LYZL6: variants seen among roughly 807,000 people sequenced by gnomAD.
The protein encoded by LYZL6 is lysozyme-like protein 6.
Under a neutral mutation model 15.0 loss-of-function variants are expected in LYZL6, and 21 were observed. The ratio of observed to expected loss-of-function variants is 1.40; its 90% CI spans 1.00 to 2.02. The LOEUF (loss-of-function observed/expected upper bound fraction) is 2.02, where lower values mean the gene tolerates loss of function less well. LYZL6 is among the 30% of genes most tolerant of loss of function. LYZL6 has a pLI of 0.00. For missense variants in LYZL6, 173 were observed against 180.5 expected, an observed-to-expected ratio of 0.96 and a Z score of 0.24; for synonymous variants, 72 against 67.8, an observed-to-expected ratio of 1.06 and a Z score of -0.31.
chr17:35,937,834 G>C lies in LYZL6; in HGVS notation c.222C>G (p.Leu74=). 6.2e-7 allele frequency: 1 copy of C among 1,614,160 alleles called. No homozygotes were observed. Among genetic ancestry groups the C allele is most frequent in the South Asian group, 1.1e-5 (1 of 91,084 alleles). ...ENADGSFDYG[L]FQINSHYWCN... ...ACCAGTAGTGGCTGTTGATCTGGAA[G>C]AGGCCATAGTCAAAGCTTCCGTCTG... The change falls in exon 3 of 5, where the codon CTC becomes CTG. Residue 74 remains leucine, a synonymous_variant. Transcript: ENST00000615905.
intron 2 of LYZL6, 36 bp downstream of exon 2, chr17:35,939,182 A>G (rs748193030): frequency 4.4e-6 from 7 of 1,602,666 alleles, no homozygotes; most frequent in South Asian, 1.1e-5. Flanking sequence ...TGACTAGCAG[A>G]GGAGAAATGG....
At chr17:35,942,727 A>G (rs2089433041) in intron 1 of LYZL6, among the ~76,000 whole-genome samples, 1 of 152,138 alleles carries the variant, frequency 6.6e-6, no homozygotes, top group Non-Finnish European at 1.5e-5. Flanking sequence ...CTCCTGGGTA[A>G]TCACCAAACT....
intron 2 of LYZL6, among the ~76,000 whole-genome samples, chr17:35,938,941 T>C (rs920783451): frequency 2.0e-5 from 3 of 152,230 alleles, no homozygotes; most frequent in Non-Finnish European, 4.4e-5. Context: ...CAGTACGTTA[T>C]GAGTGTGTTT....
intron 4 of LYZL6, 142 bp from the exon 5 acceptor site, chr17:35,935,007 T>A: frequency 1.5e-6 from 1 of 676,760 alleles, no homozygotes; most frequent in East Asian, 2.8e-5. Context: ...TGTCCTCCAC[T>A]GTCCCCTCTG....
chr17:35,940,865 GAAT>G (rs2089420112), intron 1 of LYZL6, among the ~76,000 whole-genome samples: 1 of 152,200 alleles, frequency 6.6e-6, no homozygotes, highest in African/African-American at 2.4e-5. Flanking sequence ...TTCTATGGTT[GAAT>G]AATATTTCAT....
chr17:35,940,392 C>CA lies in LYZL6; in HGVS notation c.-202-835dup, dbSNP rs1372710909. 6.6e-5 allele frequency among the ~76,000 whole-genome samples: 10 copies of CA among 152,134 alleles called. No individual in the cohort carries two copies. The South Asian group carries it at 1.0e-3, about 16-fold the overall frequency. On this transcript the variant is annotated intron_variant, in intron 1 of 4. Transcript: ENST00000615905. ...GAGATGTCTGGATTATCTTGCTGTACAAGAAATTTAAAAAGTGCTCGAAAT... is the reference window on the plus strand; with the variant it reads ...GAGATGTCTGGATTATCTTGCTGTACAAAGAAATTTAAAAAGTGCTCGAAAT...
rs777555560 is a variant in LYZL6, at chr17:35,937,771, G to A, written c.285C>T (p.His95=). 24 of 1,614,114 alleles carry A rather than the reference G, an allele frequency of 1.5e-5. No homozygotes were observed. The highest frequency in any genetic ancestry group is 2.7e-5 in the African/African-American group (2 of 75,052). The part of the protein sequence containing the change: ...DYKSYSENLC[H]VDCQDLLNPN... ...CCCTGGCCAGACCTTGACAGTCTAC[G>A]TGGCAAAGGTTTTCCGAGTAACTCT... The change falls in exon 3 of 5, where the codon CAC becomes CAT. Residue 95 remains histidine, a synonymous_variant. Transcript: ENST00000615905.
rs529361389 is a variant in LYZL6 at position 35,934,691 on chromosome 17, G to A, written c.*105C>T. On this transcript the variant is annotated 3_prime_UTR_variant, in exon 5 of 5. Coordinates refer to ENST00000615905, the MANE Select transcript of LYZL6 (RefSeq NM_020426.4). Reference sequence around the variant, plus strand: ...GGTCAGTTTTAGTTGTAAATGGGAAGGGAAGAAAATAACATGAAGTGGAGG... The same window carrying A: ...GGTCAGTTTTAGTTGTAAATGGGAAAGGAAGAAAATAACATGAAGTGGAGG... 9.0e-7 allele frequency: 1 copy of A among 1,106,720 alleles called. No homozygotes were observed. The highest frequency in any genetic ancestry group is 1.6e-5 in the African/African-American group (1 of 64,372). 68.6% of individuals were successfully genotyped at this position (1,106,720 alleles called of 1,614,324 possible).
rs2089357728 is a variant in LYZL6 at position 35,934,924 on chromosome 17, A to G, written c.378-59T>C. On this transcript the variant is annotated intron_variant, in intron 4 of 4. Transcript: ENST00000615905. ...ACTCAGTAACTCTTCCACACACATG[A>G]CCCAGTTCTTGGTGAGTCTCGCATA... is the stretch of plus-strand genomic sequence containing the variant. 4.5e-6 allele frequency: 7 copies of G among 1,547,384 alleles called. No individual in the cohort carries two copies. In the South Asian group the frequency reaches 5.6e-5, roughly 12 times the overall value.
chr17:35,939,173 G>T, intron 2 of LYZL6, 45 bp downstream of exon 2: 2 of 1,598,412 alleles, frequency 1.3e-6, no homozygotes, highest in South Asian at 2.2e-5. Context: ...TATAGGACAT[G>T]ACTAGCAGAG....
chr17:35,934,744 T>G lies in LYZL6; in HGVS notation c.*52A>C. On this transcript the variant is annotated 3_prime_UTR_variant, in exon 5 of 5. Transcript: ENST00000615905. ...GTAGGAAGAAGAAATGAAGAATCCCTGAGTGAGGACAGGAGTCTTGGAATG... is the reference window on the plus strand; with the variant it reads ...GTAGGAAGAAGAAATGAAGAATCCCGGAGTGAGGACAGGAGTCTTGGAATG... The G allele has an allele frequency of 6.6e-7, 1 of 1,519,432 alleles. No individual in the cohort carries two copies. The highest frequency in any genetic ancestry group is 2.3e-5 in the East Asian group (1 of 44,306). The allele number at this position is 1,519,432 out of a possible 1,614,324, so 94.1% of individuals were successfully genotyped here.
At chr17:35,942,086 T>C (rs1429856364) in intron 1 of LYZL6, among the ~76,000 whole-genome samples, 2 of 152,200 alleles carry the variant, frequency 1.3e-5, no homozygotes, top group East Asian at 3.9e-4. Context: ...CTATGTCTAA[T>C]CCTGAGGAAA....
Position 35,937,739 on chromosome 17 carries a change from C to G in LYZL6, c.298+19G>C, listed in dbSNP as rs746311680. ...TGGTTGCTGCTCTCATCTCTCCCACCCTGGGGCCCTGGCCAGACCTTGACA... is the reference window on the plus strand; with the variant it reads ...TGGTTGCTGCTCTCATCTCTCCCACGCTGGGGCCCTGGCCAGACCTTGACA... On this transcript the variant is annotated intron_variant, in intron 3 of 4. Coordinates refer to ENST00000615905, the MANE Select transcript of LYZL6 (RefSeq NM_020426.4). 6.2e-7 allele frequency: 1 copy of G among 1,610,938 alleles called. No individual in the cohort carries two copies. The highest frequency in any genetic ancestry group is 8.5e-7 in the Non-Finnish European group (1 of 1,177,830).
At chr17:35,935,719 G>T (rs1456709709) in intron 4 of LYZL6, among the ~76,000 whole-genome samples, 1 of 152,046 alleles carries the variant, frequency 6.6e-6, no homozygotes, top group African/African-American at 2.4e-5. Flanking sequence ...TCACCATATT[G>T]GCCAGGCTGG....
rs1365662185 is a variant in LYZL6, at chr17:35,934,602, C to T, written c.*194G>A. 7.2e-6 allele frequency: 4 copies of T among 552,884 alleles called. No homozygotes were observed. The highest frequency in any genetic ancestry group is 5.2e-5 in the South Asian group (2 of 38,568). The allele number at this position is 552,884 out of a possible 1,614,324, so 34.2% of individuals were successfully genotyped here. On this transcript the variant is annotated 3_prime_UTR_variant, in exon 5 of 5. Transcript: ENST00000615905. The stretch of plus-strand genomic sequence containing the variant: ...CAGTTTACAAATAACAGACAGGAAC[C>T]AGGGGACTGGGTCCAGATGGGAGTA...
chr17:35,943,200 G>A (rs188955705), intron 1 of LYZL6, among the ~76,000 whole-genome samples: 8 of 152,154 alleles, frequency 5.3e-5, no homozygotes, highest in Admixed American at 1.3e-4. Flanking sequence ...CTGCGACCTC[G>A]ATCTCCTTAA....
intron 4 of LYZL6, 57 bp downstream of exon 4, chr17:35,936,698 C>T: frequency 4.7e-6 from 7 of 1,503,044 alleles, no homozygotes; most frequent in African/African-American, 1.4e-5. Flanking sequence ...GCCCTTTTCT[C>T]TGTCACGTCC....
chr17:35,935,220 A>G (rs2089360900), intron 4 of LYZL6, among the ~76,000 whole-genome samples: 1 of 151,960 alleles, frequency 6.6e-6, no homozygotes, highest in African/African-American at 2.4e-5. Context: ...CATCGCTGTC[A>G]ATTCTTTTCT....
At chr17:35,935,422 GTT>G (rs71366489) in intron 4 of LYZL6, among the ~76,000 whole-genome samples, 23 of 151,778 alleles carry the variant, frequency 1.5e-4, no homozygotes, top group Non-Finnish European at 2.9e-4. Context: ...GTCGTTTTTT[GTT>G]TCTTTTTTTG....
Sources: gnomAD v4.1 joint callset for allele counts (sites outside exome capture counted in the v4.1 genomes callset) on GRCh38, gnomAD v4.1.1 for gene constraint, MANE v1.5 for transcripts, NCBI Gene and HGNC (gene_info 2026-07-23, HGNC 2026-07-21) for gene names.